GPATCH8: variants seen among roughly 807,000 people sequenced by gnomAD.
GPATCH8 encodes G patch domain-containing protein 8.
Under a neutral mutation model 118.3 loss-of-function variants are expected in GPATCH8, and 18 were observed. The ratio of observed to expected loss-of-function variants is 0.15; its 90% CI spans 0.11 to 0.23. GPATCH8 has a LOEUF of 0.23. Ranked by LOEUF, GPATCH8 falls within the 10% of genes least tolerant of loss-of-function variation. GPATCH8 has a pLI of 1.00. For missense variants in GPATCH8, 1,631 were observed against 1,873.8 expected (o/e 0.87, Z 2.39); for synonymous variants, 659 against 684.7 (o/e 0.96, Z 0.59).
intron 2 of GPATCH8, chr17:44,465,938 T>C (rs1374819462): frequency 1.3e-5 from 2 of 152,218 alleles, no homozygotes; most frequent in East Asian, 1.9e-4. Flanking sequence ...TTAAGGACCA[T>C]TTTCTTCTGT....
At chr17:44,424,652 T>C (rs1160856490) in intron 5 of GPATCH8, among the ~76,000 whole-genome samples, 160 bp from the exon 6 acceptor site, 2 of 152,162 alleles carry the variant, frequency 1.3e-5, no homozygotes, top group African/African-American at 4.8e-5. Flanking sequence ...GGTACTTTGG[T>C]GGGTAATCTG....
At chr17:44,408,629 T>C (rs2049318196) in intron 6 of GPATCH8, among the ~76,000 whole-genome samples, 1 of 152,210 alleles carries the variant, frequency 6.6e-6, no homozygotes, top group Admixed American at 6.5e-5. Context: ...AGAACAATCA[T>C]TTTATCAAAG....
At chr17:44,447,619 CTTT>C (rs79158339) in intron 3 of GPATCH8, among the ~76,000 whole-genome samples, 4 of 141,564 alleles carry the variant, frequency 2.8e-5, no homozygotes, top group Admixed American at 7.2e-5. Context: ...TTATCACCAC[CTTT>C]TTTTTTTTTT....
At chr17:44,480,171 A>G (rs1968116949) in intron 1 of GPATCH8, among the ~76,000 whole-genome samples, 1 of 152,226 alleles carries the variant, frequency 6.6e-6, no homozygotes, top group Non-Finnish European at 1.5e-5. Flanking sequence ...ACATTTCATC[A>G]ATGACATACA....
At chr17:44,458,088 CAAA>C (rs368372910) in intron 3 of GPATCH8, among the ~76,000 whole-genome samples, 3 of 91,466 alleles carry the variant, frequency 3.3e-5, no homozygotes, top group Non-Finnish European at 4.6e-5. Context: ...GACTCCATTT[CAAA>C]AAAAAAAAAA....
At chr17:44,490,696 C>T (rs558229478) in intron 1 of GPATCH8, among the ~76,000 whole-genome samples, 96 of 151,334 alleles carry the variant, frequency 6.3e-4, no homozygotes, top group African/African-American at 2.3e-3. Flanking sequence ...TATATGCATA[C>T]ACCCAACTGA....
At chr17:44,490,257 A>C (rs1969139478) in intron 1 of GPATCH8, among the ~76,000 whole-genome samples, 1 of 152,134 alleles carries the variant, frequency 6.6e-6, no homozygotes, top group South Asian at 2.1e-4. Flanking sequence ...GCAGTAAGCT[A>C]TGATCTTGTC....
Position 44,449,448 on chromosome 17 carries a change from C to T in GPATCH8, c.194-12903G>A, listed in dbSNP as rs146710075. The stretch of plus-strand genomic sequence containing the variant: ...TGAACTCTGAACTCAAGCCATCCTC[C>T]CACCTCAGCCTCCCAAAGTGCTGGG... On this transcript the variant is annotated intron_variant, in intron 3 of 7. Coordinates refer to ENST00000591680, the MANE Select transcript of GPATCH8 (RefSeq NM_001002909.4). Among the ~76,000 whole-genome samples, 509 of 152,078 alleles carry T rather than the reference C, an allele frequency of 3.3e-3. 3 individuals carry two copies. Among genetic ancestry groups the T allele is most frequent in the Non-Finnish European group, 5.7e-3 (385 of 68,000 alleles).
intron 7 of GPATCH8, among the ~76,000 whole-genome samples, chr17:44,404,991 T>C (rs2049164011): frequency 6.6e-6 from 1 of 152,150 alleles, no homozygotes; most frequent in African/African-American, 2.4e-5. Flanking sequence ...TGTACCACTG[T>C]AGGATAACTA....
chr17:44,407,657 ATTTT>A (rs35620878), intron 6 of GPATCH8, among the ~76,000 whole-genome samples: 1 of 141,782 alleles, frequency 7.1e-6, no homozygotes. Context: ...CATAATTAAG[ATTTT>A]TTTTTTTTTT....
intron 1 of GPATCH8, among the ~76,000 whole-genome samples, chr17:44,497,773 C>G (rs956657286): frequency 2.0e-5 from 3 of 151,522 alleles, no homozygotes; most frequent in Admixed American, 6.6e-5. Context: ...AACCCCGTCT[C>G]TAAAAAAAGT....
chr17:44,400,661 C>T lies in GPATCH8; in HGVS notation c.1416G>A (p.Glu472=). 6.2e-7 allele frequency: 1 copy of T among 1,612,658 alleles called. No individual in the cohort carries two copies. Among genetic ancestry groups the T allele is most frequent in the African/African-American group, 1.3e-5 (1 of 74,960 alleles). The part of the protein sequence containing the change: ...SEQPKETSMT[E]PSEPGSKAEA... ...CAGCTTTGCTTCCTGGTTCTGAGGG[C>T]TCGGTCATGCTGGTTTCCTTCGGCT... The change falls in exon 8 of 8, where the codon GAG becomes GAA. Residue 472 remains glutamate (E), a synonymous_variant. Transcript: ENST00000591680.
At chr17:44,471,520 C>T (rs1967276436) in intron 2 of GPATCH8, among the ~76,000 whole-genome samples, 1 of 152,142 alleles carries the variant, frequency 6.6e-6, no homozygotes, top group Non-Finnish European at 1.5e-5. Context: ...ATGACTAGAC[C>T]TTTAGCTCCT....
chr17:44,473,197 C>T (rs898102795), intron 2 of GPATCH8: 2 of 150,976 alleles, frequency 1.3e-5, no homozygotes, highest in African/African-American at 4.9e-5. Flanking sequence ...TGCAGAGGCA[C>T]GATCTTGGCT....
intron 6 of GPATCH8, among the ~76,000 whole-genome samples, chr17:44,422,994 C>A (rs56036287): frequency 0.03 from 4,627 of 151,842 alleles, 219 homozygotes; most frequent in African/African-American, 0.11. Context: ...CACGGCCGGG[C>A]GCAGTGGCTC....
intron 3 of GPATCH8, among the ~76,000 whole-genome samples, chr17:44,441,890 T>A (rs558866699): frequency 3.6e-4 from 54 of 151,574 alleles, no homozygotes; most frequent in Admixed American, 3.5e-3. Context: ...TAGCTGGGCA[T>A]GGTGGTGCAT....
intron 1 of GPATCH8, among the ~76,000 whole-genome samples, chr17:44,490,680 T>C (rs368108313): frequency 2.0e-5 from 3 of 152,114 alleles, no homozygotes; most frequent in South Asian, 4.1e-4. Flanking sequence ...GTATTAGATT[T>C]TAAATTATAT....
intron 6 of GPATCH8, among the ~76,000 whole-genome samples, chr17:44,418,658 A>G (rs2049780600): frequency 1.3e-5 from 2 of 151,978 alleles, no homozygotes; most frequent in South Asian, 2.1e-4. Flanking sequence ...TCACCATGTT[A>G]GCCAGGATGG....
chr17:44,418,555 G>A (rs944746296), intron 6 of GPATCH8, among the ~76,000 whole-genome samples: 1 of 151,546 alleles, frequency 6.6e-6, no homozygotes, highest in Non-Finnish European at 1.5e-5. Flanking sequence ...CCCGGATTCA[G>A]GCAATTCTCC....
Sources: allele counts gnomAD v4.1 joint callset (sites outside exome capture counted in the v4.1 genomes callset), GRCh38; gene constraint gnomAD v4.1.1; transcripts MANE v1.5; gene names NCBI Gene and HGNC (gene_info 2026-07-23, HGNC 2026-07-21).